Variants in NTSR1 observed in about 807,000 individuals in gnomAD.
NTSR1 encodes the protein neurotensin receptor type 1.
A neutral mutation model predicts 31.2 loss-of-function variants in NTSR1; 29 were observed. The ratio of observed to expected loss-of-function variants is 0.93; its 90% CI spans 0.69 to 1.27. The LOEUF (loss-of-function observed/expected upper bound fraction) is 1.27, where lower values mean the gene tolerates loss of function less well. Ranked by LOEUF, NTSR1 falls within the 50% of genes most tolerant of loss-of-function variation. The pLI, the probability that NTSR1 is intolerant of heterozygous loss-of-function variation, is 0.00. For synonymous variants in NTSR1, 282 were observed against 269.9 expected, an observed-to-expected ratio of 1.04 and a Z score of -0.44; for missense variants, 697 against 595.4, an observed-to-expected ratio of 1.17 and a Z score of -1.78.
chr20:62,711,550 T>TC lies in NTSR1; in HGVS notation c.714+1635dup, dbSNP rs1988613906. Among the ~76,000 whole-genome samples, 1 of 72,004 alleles carries TC rather than the reference T, an allele frequency of 1.4e-5. No homozygotes were observed. Among genetic ancestry groups the TC allele is most frequent in the South Asian group, 6.0e-4 (1 of 1,672 alleles). The allele number at this position is 72,004 out of a possible 152,430, so 47.2% of individuals were successfully genotyped here. A position where few individuals can be genotyped will look rare whatever the true frequency, so the allele number is the denominator to read the frequency against. Reference sequence around the variant, plus strand: ...GAGATGCCCCCACTCAGACCCCGGATCCCCCCACTCAGACCCCCGATCCCC... The same window carrying TC: ...GAGATGCCCCCACTCAGACCCCGGATCCCCCCCACTCAGACCCCCGATCCCC... On this transcript the variant is annotated intron_variant, in intron 1 of 3. Transcript: ENST00000370501. This position sits in a 1 kb window ranked among gnomAD's most constrained non-coding sequence, Gnocchi z 6.4.
chr20:62,712,943 G>A (rs149439652), intron 1 of NTSR1, among the ~76,000 whole-genome samples: 1 of 152,360 alleles, frequency 6.6e-6, no homozygotes, highest in East Asian at 1.9e-4. Flanking sequence ...TCCATGGCGT[G>A]TATACTGAAC....
At position 62,754,817 on chromosome 20, in the gene NTSR1, C is replaced by T; in HGVS notation, c.847C>T (p.His283Tyr). 1 of 1,610,026 alleles carries T rather than the reference C, an allele frequency of 6.2e-7. No homozygotes were observed. Residue 283 changes from histidine to tyrosine, a missense_variant, in exon 2 of 4, where the codon CAC becomes TAC. Coordinates refer to ENST00000370501, the MANE Select transcript of NTSR1 (RefSeq NM_002531.3). Reference sequence around the variant, plus strand: ...CCAAGTGTGCACGGTCGGGGGCGAGCACAGCACATTCAGCATGGCCATCGA... The same window carrying T: ...CCAAGTGTGCACGGTCGGGGGCGAGTACAGCACATTCAGCATGGCCATCGA... ...QGQVCTVGGE[H>Y]STFSMAIEPG...
At position 62,709,803 on chromosome 20, in the gene NTSR1, T is replaced by C. The variant is rs1988567588; in HGVS notation, c.596T>C (p.Leu199Pro). The C allele has an allele frequency of 2.5e-6, 4 of 1,612,672 alleles. No individual in the cohort carries two copies. Among genetic ancestry groups the C allele is most frequent in the South Asian group, 1.1e-5 (1 of 91,086 alleles). ...GCCATCTGGCTCGCCTCGGCCCTGC[T>C]GGCGGTGCCTATGCTGTTCACCATG... The part of the protein sequence containing the change: ...ISAIWLASAL[L>P]AVPMLFTMGE... The change falls in exon 1 of 4, where the codon CTG (leucine) becomes CCG (proline). Residue 199 changes from leucine (L) to proline (P), a missense_variant. Transcript: ENST00000370501.
Position 62,711,247 on chromosome 20 carries a change from G to A in NTSR1, c.714+1326G>A, listed in dbSNP as rs1478186587. Among the ~76,000 whole-genome samples the A allele has an allele frequency of 6.6e-6, 1 of 152,208 alleles. No homozygotes were observed. Among genetic ancestry groups the A allele is most frequent in the Non-Finnish European group, 1.5e-5 (1 of 68,024 alleles). ...CGGGGAGGCCCCTCCCACAGACACT[G>A]GTGGCAGGCAGTGAGTCAGGGCTGC... On this transcript the variant is annotated intron_variant, in intron 1 of 3. Coordinates refer to ENST00000370501, the MANE Select transcript of NTSR1 (RefSeq NM_002531.3). This position sits in a 1 kb window ranked among gnomAD's most constrained non-coding sequence, Gnocchi z 6.4.
rs182845137 is a variant in NTSR1 at position 62,734,424 on chromosome 20, A to C, written c.715-20261A>C. Among the ~76,000 whole-genome samples the C allele has an allele frequency of 3.1e-3, 477 of 152,222 alleles. 2 individuals carry two copies. The highest frequency in any genetic ancestry group is 0.01 in the African/African-American group (423 of 41,520). On this transcript the variant is annotated intron_variant, in intron 1 of 3. Transcript: ENST00000370501. ...TGGCCCCTTGTCTTACCCAGGCTTC[A>C]TTTTGGGGCCATCTTTTTAGGTGGT...
Position 62,720,092 on chromosome 20 carries a change from G to C in NTSR1, c.714+10171G>C, listed in dbSNP as rs111767841. On this transcript the variant is annotated intron_variant, in intron 1 of 3. Coordinates refer to ENST00000370501, the MANE Select transcript of NTSR1 (RefSeq NM_002531.3). ...AGGAGGGTGGATCACCTGAGGTCAGGAGTTTGAGACCAGCCTGGCCAACAG... is the reference window on the plus strand; with the variant it reads ...AGGAGGGTGGATCACCTGAGGTCAGCAGTTTGAGACCAGCCTGGCCAACAG... 3.1e-3 allele frequency among the ~76,000 whole-genome samples: 470 copies of C among 152,272 alleles called. 5 individuals are homozygous for C. The highest frequency in any genetic ancestry group is 0.011 in the African/African-American group (443 of 41,552).
chr20:62,709,156 G>A lies in NTSR1; in HGVS notation c.-52G>A, dbSNP rs1988536347. ...GCCTGAGACGCGCCCACTCCTGCCC[G>A]GACTTCCAGCCCCGGAGGCGCCGGA... is the stretch of plus-strand genomic sequence containing the variant. On this transcript the variant is annotated 5_prime_UTR_variant, in exon 1 of 4. Transcript: ENST00000370501. 1 of 1,341,392 alleles carries A rather than the reference G, an allele frequency of 7.5e-7. No homozygotes were observed. The highest frequency in any genetic ancestry group is 9.6e-7 in the Non-Finnish European group (1 of 1,040,224). 83.1% of individuals were successfully genotyped at this position (1,341,392 alleles called of 1,614,324 possible). A position where few individuals can be genotyped will look rare whatever the true frequency, so the allele number is the denominator to read the frequency against.
chr20:62,747,011 C>T (rs928202404), intron 1 of NTSR1, among the ~76,000 whole-genome samples: 1 of 152,230 alleles, frequency 6.6e-6, no homozygotes, highest in Admixed American at 6.5e-5. Flanking sequence ...TGGCAAACTT[C>T]ATTCAACAGC....
Position 62,732,782 on chromosome 20 carries a change from A to G in NTSR1, c.715-21903A>G, listed in dbSNP as rs6010607. On this transcript the variant is annotated intron_variant, in intron 1 of 3. Coordinates refer to ENST00000370501, the MANE Select transcript of NTSR1 (RefSeq NM_002531.3). The surrounding 1 kb of genome is among the most constrained non-coding windows in gnomAD (Gnocchi z 4.0). Reference sequence around the variant, plus strand: ...CTGGAAGAGACTGTAGAGAGTATCTATCATCTGTTCCTTAAATGCAAGGTA... The same window carrying G: ...CTGGAAGAGACTGTAGAGAGTATCTGTCATCTGTTCCTTAAATGCAAGGTA... 15,574 of 152,208 alleles carry G rather than the reference A, an allele frequency of 0.1. 1,926 individuals carry two copies. Among genetic ancestry groups the G allele is most frequent in the East Asian group, 0.31 (1,598 of 5,168 alleles). The allele number at this position is 152,208 out of a possible 1,614,324, so 9.4% of individuals were successfully genotyped here.
chr20:62,741,011 G>A lies in NTSR1; in HGVS notation c.715-13674G>A, dbSNP rs930430022. On this transcript the variant is annotated intron_variant, in intron 1 of 3. Transcript: ENST00000370501. This position sits in a 1 kb window ranked among gnomAD's most constrained non-coding sequence, Gnocchi z 4.3. ...GGGGCACACTGGGGTTCTGGGCCCC[G>A]GCCAGGCTCAGCGAGGGGAGGGCCG... Among the ~76,000 whole-genome samples the A allele has an allele frequency of 2.0e-5, 3 of 151,936 alleles. No homozygotes were observed. Among genetic ancestry groups the A allele is most frequent in the Non-Finnish European group, 4.4e-5 (3 of 67,958 alleles).
At chr20:62,730,876 G>A (rs973302693) in intron 1 of NTSR1, among the ~76,000 whole-genome samples, 8 of 152,088 alleles carry the variant, frequency 5.3e-5, no homozygotes, top group Admixed American at 2.0e-4. Context: ...CCATTGCTAC[G>A]TCTTCTTTGA....
Position 62,709,575 on chromosome 20 carries a change from A to G in NTSR1, c.368A>G (p.Glu123Gly), listed in dbSNP as rs1424672509. The G allele has an allele frequency of 4.3e-6, 7 of 1,611,700 alleles. No individual in the cohort carries two copies. In the South Asian group the frequency reaches 6.6e-5, roughly 15 times the overall value. The change falls in exon 1 of 4, where the codon GAG becomes GGG. Residue 123 changes from glutamate (E) to glycine (G), a missense_variant. Glu to Gly is a moderately conservative substitution (Grantham distance 98, BLOSUM62 -2). Transcript: ENST00000370501. Reference protein sequence around the residue: ...LLTLLLAMPVELYNFIWVHHP... With the variant: ...LLTLLLAMPVGLYNFIWVHHP... Reference sequence around the variant, plus strand: ...ACCCTGCTGCTGGCCATGCCCGTGGAGCTGTACAACTTCATCTGGGTGCAC... The same window carrying G: ...ACCCTGCTGCTGGCCATGCCCGTGGGGCTGTACAACTTCATCTGGGTGCAC...
rs570510152 is a variant in NTSR1, at chr20:62,720,938, C to T, written c.714+11017C>T. On this transcript the variant is annotated intron_variant, in intron 1 of 3. Coordinates refer to ENST00000370501, the MANE Select transcript of NTSR1 (RefSeq NM_002531.3). ...TTAGTTTCCAAATGTTTGGGATTTT[C>T]CAGATATTACTTTTTTATCCATTTC... is the stretch of plus-strand genomic sequence containing the variant. Among the ~76,000 whole-genome samples the T allele has an allele frequency of 1.3e-4, 20 of 152,154 alleles. No individual in the cohort carries two copies. In the East Asian group the frequency reaches 3.5e-3, roughly 26 times the overall value.
chr20:62,709,667 G>T lies in NTSR1; in HGVS notation c.460G>T (p.Ala154Ser), dbSNP rs550491268. 3 of 1,612,658 alleles carry T rather than the reference G, an allele frequency of 1.9e-6. No individual in the cohort carries two copies. The South Asian group carries it at 3.3e-5, about 18-fold the overall frequency. ...YYFLRDACTY[A>S]TALNVASLSV... ...CTTCCTGCGCGACGCCTGCACCTAC[G>T]CCACGGCCCTCAACGTGGCCAGCCT... Residue 154 changes from alanine (A) to serine (S), a missense_variant, in exon 1 of 4, where the codon GCC (alanine) becomes TCC (serine). By Grantham distance (99) the Ala-to-Ser change is moderately conservative. Coordinates refer to ENST00000370501, the MANE Select transcript of NTSR1 (RefSeq NM_002531.3).
At chr20:62,717,803 C>G (rs371905466) in intron 1 of NTSR1, among the ~76,000 whole-genome samples, 2 of 68,774 alleles carry the variant, frequency 2.9e-5, no homozygotes, top group African/African-American at 6.8e-5. Flanking sequence ...GTATAGCAGC[C>G]CAAAAAAACT....
In NTSR1 at chr20:62,709,206, C is replaced by T. The variant is rs6090405; in HGVS notation, c.-2C>T. ...ACAGAGCCGCGGACTCCAGCGCCCA[C>T]CATGCGCCTCAACAGCTCCGCGCCG... On this transcript the variant is annotated 5_prime_UTR_variant, in exon 1 of 4. Coordinates refer to ENST00000370501, the MANE Select transcript of NTSR1 (RefSeq NM_002531.3). The T allele has an allele frequency of 0.093, 133,552 of 1,438,210 alleles. 7,094 individuals are homozygous for T. The highest frequency in any genetic ancestry group is 0.11 in the Non-Finnish European group (118,115 of 1,104,580). The allele number at this position is 1,438,210 out of a possible 1,614,324, so 89.1% of individuals were successfully genotyped here.
rs1047323621 is a variant in NTSR1, at chr20:62,745,226, G to GAGAGACACAGAGAGGAAAGC, written c.715-9444_715-9425dup. Among the ~76,000 whole-genome samples, 3 of 152,162 alleles carry GAGAGACACAGAGAGGAAAGC rather than the reference G, an allele frequency of 2.0e-5. 1 individual carries two copies. Among genetic ancestry groups the GAGAGACACAGAGAGGAAAGC allele is most frequent in the South Asian group, 4.1e-4 (2 of 4,820 alleles). On this transcript the variant is annotated intron_variant, in intron 1 of 3. Coordinates refer to ENST00000370501, the MANE Select transcript of NTSR1 (RefSeq NM_002531.3). The surrounding 1 kb of genome is among the most constrained non-coding windows in gnomAD (Gnocchi z 4.1). ...ACAGACAGCAACACAAAGACAGAGA[G>GAGAGACACAGAGAGGAAAGC]AGAGACACAGAGAGGAAAGCAGAGA...
chr20:62,736,601 C>T (rs180835457), intron 1 of NTSR1, among the ~76,000 whole-genome samples: 7 of 152,314 alleles, frequency 4.6e-5, no homozygotes, highest in East Asian at 3.9e-4. Flanking sequence ...GCGAGGACTC[C>T]GAGGACTCCG....
intron 1 of NTSR1, among the ~76,000 whole-genome samples, chr20:62,728,424 C>T (rs148270419): frequency 1.8e-3 from 279 of 152,322 alleles, no homozygotes; most frequent in African/African-American, 6.4e-3. Context: ...GATGAACAGA[C>T]AGACGTCCCC....
Sources: gnomAD v4.1 joint callset for allele counts (sites outside exome capture counted in the v4.1 genomes callset) on GRCh38, gnomAD v4.1.1 for gene constraint, Gnocchi (gnomAD v3.1) non-coding constraint, MANE v1.5 for transcripts, NCBI Gene and HGNC (gene_info 2026-07-23, HGNC 2026-07-21) for gene names.